The following ITM2B variants were observed in gnomAD, a reference collection of about 807,000 sequenced individuals.
The protein encoded by ITM2B is integral membrane protein 2B, also known as ABri/ADan amyloid peptide.
In ITM2B, 11 loss-of-function variants were observed where a neutral mutation model predicts 27.8. That is an observed-to-expected ratio of 0.40 (90% CI 0.25 to 0.66). ITM2B has a LOEUF of 0.66. ITM2B is among the 30% of genes least tolerant of loss of function. The pLI is 0.43. For missense variants in ITM2B, 296 were observed against 328.9 expected (o/e 0.90, Z 0.77); for synonymous variants, 114 against 114.3 (o/e 1.00, Z 0.02).
chr13:48,233,206 A>G lies in ITM2B; in HGVS notation c.-155A>G, dbSNP rs1025618824. On this transcript the variant is annotated 5_prime_UTR_variant, in exon 1 of 6. Transcript: ENST00000647800. Reference sequence around the variant, plus strand: ...TGGGAGGCTGCGAGATCCCTACCGCAGTAGCCGCCTCTGCCGCCGCGGAGC... The same window carrying G: ...TGGGAGGCTGCGAGATCCCTACCGCGGTAGCCGCCTCTGCCGCCGCGGAGC... 7 of 368,086 alleles carry G rather than the reference A, an allele frequency of 1.9e-5. No homozygotes were observed. The highest frequency in any genetic ancestry group is 1.2e-4 in the African/African-American group (5 of 43,408). The allele number at this position is 368,086 out of a possible 1,614,324, so 22.8% of individuals were successfully genotyped here.
chr13:48,258,776 T>C (rs1324848800), intron 4 of ITM2B, 21 bp from the exon 5 acceptor site: 1 of 1,609,908 alleles, frequency 6.2e-7, no homozygotes, highest in South Asian at 1.1e-5. Flanking sequence ...AGTCATGTCA[T>C]GTATTCTTTT....
Position 48,258,962 on chromosome 13 carries a change from A to G in ITM2B, c.715+15A>G. 6.2e-7 allele frequency: 1 copy of G among 1,601,296 alleles called. No individual in the cohort carries two copies. Among genetic ancestry groups the G allele is most frequent in the Non-Finnish European group, 8.5e-7 (1 of 1,170,848 alleles). On this transcript the variant is annotated intron_variant, in intron 5 of 5. Coordinates refer to ENST00000647800, the MANE Select transcript of ITM2B (RefSeq NM_021999.5). ...AACTATTAAAGGTAATACTTTTTAA[A>G]TATTAAAGTGTTGGGCAGAAAAGTT... is the stretch of plus-strand genomic sequence containing the variant.
intron 1 of ITM2B, among the ~76,000 whole-genome samples, chr13:48,242,911 G>A (rs1951707767): frequency 6.6e-6 from 1 of 151,384 alleles, no homozygotes; most frequent in African/African-American, 2.4e-5. Context: ...CTTTACTGTC[G>A]CTTTATTGAG....
At position 48,265,858 on chromosome 13, in the gene ITM2B, C is replaced by G. The variant is rs753624978; in HGVS notation, c.*4634C>G. The G allele has an allele frequency of 2.6e-5, 4 of 152,134 alleles. No individual in the cohort carries two copies. The highest frequency in any genetic ancestry group is 7.2e-5 in the African/African-American group (3 of 41,422). The allele number at this position is 152,134 out of a possible 1,614,324, so 9.4% of individuals were successfully genotyped here. ...GGAAAGGCTTCTCTTGTTTCTCAGT[C>G]TCATAGCATCATCTGTCTCTTTTTT... is the stretch of plus-strand genomic sequence containing the variant. On this transcript the variant is annotated 3_prime_UTR_variant, in exon 6 of 6. Transcript: ENST00000647800.
At chr13:48,243,131 A>G (rs1226777674) in intron 1 of ITM2B, among the ~76,000 whole-genome samples, 2 of 151,932 alleles carry the variant, frequency 1.3e-5, no homozygotes, top group Non-Finnish European at 2.9e-5. Context: ...AGAAAGATTG[A>G]TGAGGCATCC....
In ITM2B at chr13:48,264,325, T is replaced by A. The variant is rs1951840281; in HGVS notation, c.*3101T>A. 1 of 152,018 alleles carries A rather than the reference T, an allele frequency of 6.6e-6. No homozygotes were observed. The highest frequency in any genetic ancestry group is 2.4e-5 in the African/African-American group (1 of 41,408). 9.4% of individuals were successfully genotyped at this position (152,018 alleles called of 1,614,324 possible). A position where few individuals can be genotyped will look rare whatever the true frequency, so the allele number is the denominator to read the frequency against. On this transcript the variant is annotated 3_prime_UTR_variant, in exon 6 of 6. Transcript: ENST00000647800. ...TATCCCTTTTTAGATTCCACACCCA[T>A]ATTAGTGAGAAGCAAGAAAAAAAAA...
At chr13:48,260,803 T>C (rs1951817562) in intron 5 of ITM2B, among the ~76,000 whole-genome samples, 3 of 152,176 alleles carry the variant, frequency 2.0e-5, no homozygotes, top group Non-Finnish European at 4.4e-5. Flanking sequence ...TTTACCCTTT[T>C]TAGTGTGCAA....
In ITM2B at chr13:48,256,896, A is replaced by G. The variant is rs144152582; in HGVS notation, c.453+513A>G. Among the ~76,000 whole-genome samples the G allele has an allele frequency of 2.6e-3, 396 of 152,234 alleles. 4 individuals carry two copies. The highest frequency in any genetic ancestry group is 9.1e-3 in the African/African-American group (378 of 41,524). On this transcript the variant is annotated intron_variant, in intron 3 of 5. Coordinates refer to ENST00000647800, the MANE Select transcript of ITM2B (RefSeq NM_021999.5). ...AGTACTTATGCTATTATCTCTCAAG[A>G]ATGAGTTGTCCTCCTACGTAACCAC...
intron 5 of ITM2B, among the ~76,000 whole-genome samples, chr13:48,259,372 A>C (rs545252221): frequency 4.7e-4 from 71 of 152,374 alleles, no homozygotes; most frequent in African/African-American, 1.6e-3. Context: ...CTGTCAGGGT[A>C]GTTGGAAAGG....
intron 2 of ITM2B, among the ~76,000 whole-genome samples, chr13:48,255,702 AACT>A (rs1263137023): frequency 6.6e-6 from 1 of 152,228 alleles, no homozygotes; most frequent in Non-Finnish European, 1.5e-5. Context: ...GGAAAAGTAG[AACT>A]ACGTATATGC....
rs1405859319 is a variant in ITM2B at position 48,261,089 on chromosome 13, T to G, written c.716-50T>G. 24 of 1,163,000 alleles carry G rather than the reference T, an allele frequency of 2.1e-5. No homozygotes were observed. In the Admixed American group the frequency reaches 4.2e-4, roughly 20 times the overall value. 72.0% of individuals were successfully genotyped at this position (1,163,000 alleles called of 1,614,324 possible). A position where few individuals can be genotyped will look rare whatever the true frequency, so the allele number is the denominator to read the frequency against. ...ATAACTATAAAAATGATGTGAATAT[T>G]TATTATTAAAGAATCAAAATTTTAA... On this transcript the variant is annotated intron_variant, in intron 5 of 5. Transcript: ENST00000647800.
At chr13:48,233,658 G>A (rs369072102) in intron 1 of ITM2B, among the ~76,000 whole-genome samples, 181 bp downstream of exon 1, 1 of 152,294 alleles carries the variant, frequency 6.6e-6, no homozygotes, top group African/African-American at 2.4e-5. Context: ...AAGGAAGTGC[G>A]TGTGCTGGAA....
intron 1 of ITM2B, among the ~76,000 whole-genome samples, chr13:48,251,005 G>T (rs968032229): frequency 4.6e-5 from 7 of 152,200 alleles, no homozygotes; most frequent in African/African-American, 1.7e-4. Flanking sequence ...TGAAGTATTT[G>T]TAAGTGAAAT....
chr13:48,265,609 C>G lies in ITM2B; in HGVS notation c.*4385C>G, dbSNP rs1386373360. On this transcript the variant is annotated 3_prime_UTR_variant, in exon 6 of 6. Coordinates refer to ENST00000647800, the MANE Select transcript of ITM2B (RefSeq NM_021999.5). ...AAAGACCAAAATACTTAATGCTGCA[C>G]AGTCCAGTCCCAACCCACTCTCCAG... is the stretch of plus-strand genomic sequence containing the variant. The G allele has an allele frequency of 6.6e-6, 1 of 152,466 alleles. No individual in the cohort carries two copies. Among genetic ancestry groups the G allele is most frequent in the African/African-American group, 2.4e-5 (1 of 41,446 alleles). The allele number at this position is 152,466 out of a possible 1,614,324, so 9.4% of individuals were successfully genotyped here.
chr13:48,258,697 C>A, intron 4 of ITM2B, 100 bp from the exon 5 acceptor site: 1 of 1,096,604 alleles, frequency 9.1e-7, no homozygotes, highest in Non-Finnish European at 1.4e-6. Context: ...GTTTGGCAAC[C>A]TGTTCCATAC....
rs1951726573 is a variant in ITM2B at position 48,246,781 on chromosome 13, A to G, written c.118-7027A>G. ...TGGTCTCCAAGTAGAGAGAAAAAAAAGATAAGAGAGAAGTTGAAAATACTA... is the reference window on the plus strand; with the variant it reads ...TGGTCTCCAAGTAGAGAGAAAAAAAGGATAAGAGAGAAGTTGAAAATACTA... On this transcript the variant is annotated intron_variant, in intron 1 of 5. Coordinates refer to ENST00000647800, the MANE Select transcript of ITM2B (RefSeq NM_021999.5). Among the ~76,000 whole-genome samples, 3 of 152,184 alleles carry G rather than the reference A, an allele frequency of 2.0e-5. No homozygotes were observed. In the South Asian group the frequency reaches 6.2e-4, roughly 31 times the overall value.
chr13:48,235,779 C>G (rs1443939403), intron 1 of ITM2B, among the ~76,000 whole-genome samples: 2 of 152,196 alleles, frequency 1.3e-5, no homozygotes, highest in African/African-American at 4.8e-5. Context: ...TCAAACCAAG[C>G]TAGTTAATGG....
chr13:48,248,941 G>A (rs1951737921), intron 1 of ITM2B, among the ~76,000 whole-genome samples: 1 of 152,194 alleles, frequency 6.6e-6, no homozygotes, highest in Non-Finnish European at 1.5e-5. Context: ...AGCACTTGGT[G>A]TTAGACATTC....
At chr13:48,250,084 C>A (rs577413317) in intron 1 of ITM2B, among the ~76,000 whole-genome samples, 1 of 152,130 alleles carries the variant, frequency 6.6e-6, no homozygotes, top group Non-Finnish European at 1.5e-5. Flanking sequence ...GACTATAAAT[C>A]GCTCAAAGTA....
Sources: gnomAD v4.1 joint callset for allele counts (sites outside exome capture counted in the v4.1 genomes callset) on GRCh38, gnomAD v4.1.1 for gene constraint, MANE v1.5 for transcripts, NCBI Gene and HGNC (gene_info 2026-07-23, HGNC 2026-07-21) for gene names.